The following MAPK8IP3 variants were observed in gnomAD, a reference collection of about 807,000 sequenced individuals.
MAPK8IP3 encodes the protein C-Jun-amino-terminal kinase-interacting protein 3.
MAPK8IP3 carries 49 observed loss-of-function variants against 157.8 expected under a neutral mutation model. The observed-to-expected ratio is 0.31, with a 90% confidence interval of 0.25 to 0.39. The LOEUF (loss-of-function observed/expected upper bound fraction) is 0.39. Among genes scored for constraint, MAPK8IP3 ranks in the 10% least tolerant of loss-of-function variants. The pLI is 1.00. For synonymous variants in MAPK8IP3, 897 were observed against 777.7 expected (o/e 1.15, Z -2.55); for missense variants, 1,478 against 1,889.4 (o/e 0.78, Z 4.04).
At chr16:1,767,984 GCTCTGCAGGGC>G in intron 28 of MAPK8IP3, 66 bp downstream of exon 28, 1 of 1,608,150 alleles carries the variant, frequency 6.2e-7, no homozygotes, top group South Asian at 1.1e-5. Context: ...TCACGGGGTG[GCTCTGCAGGGC>G]CACCTTGGAG....
intron 16 of MAPK8IP3, among the ~76,000 whole-genome samples, chr16:1,763,383 G>C (rs954071801): frequency 2.6e-5 from 4 of 152,254 alleles, no homozygotes; most frequent in African/African-American, 9.6e-5. Context: ...GGAACCCTCA[G>C]TGACTGTGGC....
Position 1,768,182 on chromosome 16 carries a change from G to A in MAPK8IP3, c.3563-17G>A. 1 of 1,611,878 alleles carries A rather than the reference G, an allele frequency of 6.2e-7. No homozygotes were observed. The highest frequency in any genetic ancestry group is 8.5e-7 in the Non-Finnish European group (1 of 1,179,570). On this transcript the variant is annotated splice_polypyrimidine_tract_variant and intron_variant, in intron 29 of 31. Transcript: ENST00000610761. Reference sequence around the variant, plus strand: ...ACCTGTATGCGGGCTCAGCGCCTCTGGGTTCTCTCCCTGCAGCCAATAAGA... The same window carrying A: ...ACCTGTATGCGGGCTCAGCGCCTCTAGGTTCTCTCCCTGCAGCCAATAAGA...
At chr16:1,746,905 C>A in intron 5 of MAPK8IP3, 124 bp from the exon 6 acceptor site, 1 of 1,228,442 alleles carries the variant, frequency 8.1e-7, no homozygotes, top group Non-Finnish European at 1.1e-6. Flanking sequence ...AGCTCTGGCC[C>A]GCAGGGTGTC....
intron 8 of MAPK8IP3, chr16:1,748,981 C>T (rs1439500733): frequency 1.0e-5 from 6 of 595,890 alleles, no homozygotes; most frequent in African/African-American, 1.8e-5. Context: ...TGCACCCTCC[C>T]GTGTACTCTA....
At chr16:1,767,508 C>T (rs2042342044) in intron 26 of MAPK8IP3, 56 bp from the exon 27 acceptor site, 3 of 1,576,488 alleles carry the variant, frequency 1.9e-6, no homozygotes, top group Non-Finnish European at 1.7e-6. Context: ...AGGTTTGGGG[C>T]TCCCCACTTC....
In MAPK8IP3 at chr16:1,762,346, C is replaced by G; in HGVS notation, c.1540-5C>G. 1 of 1,567,374 alleles carries G rather than the reference C, an allele frequency of 6.4e-7. No individual in the cohort carries two copies. The highest frequency in any genetic ancestry group is 8.6e-7 in the Non-Finnish European group (1 of 1,157,026). ...GGCTGAGCCTCTGTGCCCCTCCCTC[C>G]GCAGGACAAAATCCCCATGGCCCAG... On this transcript the variant is annotated splice_region_variant and splice_polypyrimidine_tract_variant and intron_variant, in intron 13 of 31. Transcript: ENST00000610761.
At chr16:1,758,716 T>C (rs143432509) in intron 9 of MAPK8IP3, among the ~76,000 whole-genome samples, 2 of 152,328 alleles carry the variant, frequency 1.3e-5, no homozygotes, top group Admixed American at 6.5e-5. Context: ...GGGTGAGATG[T>C]TAGCTTCCTG....
At chr16:1,754,696 G>A (rs1251408489) in intron 8 of MAPK8IP3, among the ~76,000 whole-genome samples, 3 of 151,892 alleles carry the variant, frequency 2.0e-5, no homozygotes, top group East Asian at 1.9e-4. Flanking sequence ...ACTTGAACCT[G>A]GGAGGCGGGG....
In MAPK8IP3 at chr16:1,743,452, G is replaced by T; in HGVS notation, c.723G>T (p.Gln241His). ...GDHWHLSDLG[Q>H]LQSSSSYQCP... ...ACTGGCACCTGAGTGACCTCGGCCA[G>T]CTGCAGTCCAGCTCCAGCTACCAGG... Residue 241 changes from glutamine to histidine, a missense_variant, in exon 5 of 32, where the codon CAG (glutamine) becomes CAT (histidine). By Grantham distance (24) the Gln-to-His change is conservative. This residue lies in a region of MAPK8IP3 where 315 missense variants were observed against 394.4 expected (regional missense o/e 0.80). Coordinates refer to ENST00000610761, the MANE Select transcript of MAPK8IP3 (RefSeq NM_001318852.2). The surrounding 1 kb of genome is among the most constrained non-coding windows in gnomAD (Gnocchi z 5.6). 1 of 1,609,918 alleles carries T rather than the reference G, an allele frequency of 6.2e-7. No homozygotes were observed.
At chr16:1,763,127 C>T in intron 16 of MAPK8IP3, 121 bp downstream of exon 16, 2 of 1,333,486 alleles carry the variant, frequency 1.5e-6, no homozygotes, top group Non-Finnish European at 2.1e-6. Context: ...TTGCTGGCCA[C>T]ATGCCAGGGG....
At chr16:1,719,308 C>T (rs974146652) in intron 1 of MAPK8IP3, among the ~76,000 whole-genome samples, 3 of 152,086 alleles carry the variant, frequency 2.0e-5, no homozygotes, top group Non-Finnish European at 2.9e-5. Context: ...AAAATGGCCC[C>T]TTCCTAAGGG....
chr16:1,729,050 G>A lies in MAPK8IP3; in HGVS notation c.440-88G>A, dbSNP rs2039108821. The A allele has an allele frequency of 4.6e-6, 6 of 1,308,628 alleles. No individual in the cohort carries two copies. In the East Asian group the frequency reaches 1.4e-4, roughly 30 times the overall value. 81.1% of individuals were successfully genotyped at this position (1,308,628 alleles called of 1,614,324 possible). A position where few individuals can be genotyped will look rare whatever the true frequency, so the allele number is the denominator to read the frequency against. On this transcript the variant is annotated intron_variant, in intron 2 of 31. Coordinates refer to ENST00000610761, the MANE Select transcript of MAPK8IP3 (RefSeq NM_001318852.2). ...GACCCAGAGTCCCAGCCTTGTCCTG[G>A]AACCCCCTCCCTCTGTGGTTACAAC...
intron 1 of MAPK8IP3, among the ~76,000 whole-genome samples, chr16:1,715,639 C>T (rs986679072): frequency 2.0e-5 from 3 of 152,196 alleles, no homozygotes; most frequent in African/African-American, 7.2e-5. Context: ...ATCTTTGATT[C>T]GTGTCAAGAT....
At chr16:1,737,429 TGA>T (rs1447419413) in intron 4 of MAPK8IP3, among the ~76,000 whole-genome samples, 2 of 100,624 alleles carry the variant, frequency 2.0e-5, no homozygotes, top group Non-Finnish European at 2.0e-5. Context: ...AGCGTCCGTG[TGA>T]GTGTGTGAGC....
At chr16:1,750,899 C>A (rs932308548) in intron 8 of MAPK8IP3, among the ~76,000 whole-genome samples, 6 of 152,092 alleles carry the variant, frequency 3.9e-5, no homozygotes, top group African/African-American at 1.2e-4. Flanking sequence ...CCGCCTCGGC[C>A]TCCCAGAGTG....
At chr16:1,734,603 T>C (rs1364417998) in intron 4 of MAPK8IP3, among the ~76,000 whole-genome samples, 1 of 152,058 alleles carries the variant, frequency 6.6e-6, no homozygotes, top group African/African-American at 2.4e-5. Context: ...CTTTGTGGGG[T>C]CAGGGGTGCT....
intron 1 of MAPK8IP3, among the ~76,000 whole-genome samples, chr16:1,720,585 C>T (rs767762122): frequency 2.6e-5 from 4 of 152,160 alleles, no homozygotes; most frequent in African/African-American, 4.8e-5. Context: ...TCCAGAAGCA[C>T]GTCACACAAT....
intron 9 of MAPK8IP3, among the ~76,000 whole-genome samples, chr16:1,758,553 G>C (rs1346401523): frequency 6.6e-6 from 1 of 152,300 alleles, no homozygotes; most frequent in Admixed American, 6.5e-5. Context: ...CTCCCCACGT[G>C]GGTGGACAGG....
At chr16:1,764,629 A>G (rs571929562) in intron 19 of MAPK8IP3, among the ~76,000 whole-genome samples, 170 bp downstream of exon 19, 82 of 152,272 alleles carry the variant, frequency 5.4e-4, no homozygotes, top group African/African-American at 1.9e-3. Context: ...ACCAGGACTG[A>G]GCCGCCTTCT....
Sources: gnomAD v4.1 joint callset for allele counts (sites outside exome capture counted in the v4.1 genomes callset) on GRCh38, gnomAD v4.1.1 for gene constraint, gnomAD v4.1.1 regional missense constraint, Gnocchi (gnomAD v3.1) non-coding constraint, MANE v1.5 for transcripts, NCBI Gene and HGNC (gene_info 2026-07-23, HGNC 2026-07-21) for gene names.